EFCAB5: variants seen among roughly 807,000 people sequenced by gnomAD.
EFCAB5 encodes the protein EF-hand calcium-binding domain-containing protein 5.
A neutral mutation model predicts 167.9 loss-of-function variants in EFCAB5; 131 were observed. That is an observed-to-expected ratio of 0.78 (90% CI 0.68 to 0.90). EFCAB5 has a LOEUF of 0.90. EFCAB5 is among the 40% of genes least tolerant of loss of function. The probability of loss-of-function intolerance (pLI) is 0.00; values close to 1 mark genes in which losing one functional copy is unlikely to be tolerated. For missense variants in EFCAB5, 1,663 were observed against 1,745.2 expected (o/e 0.95, Z 0.84); for synonymous variants, 574 against 602.8 (o/e 0.95, Z 0.70).
intron 7 of EFCAB5, among the ~76,000 whole-genome samples, chr17:30,030,510 A>G (rs1037214060): frequency 9.2e-5 from 14 of 151,996 alleles, no homozygotes; most frequent in African/African-American, 3.4e-4. Context: ...TGCCTGGCTA[A>G]TTTTTTATTT....
intron 7 of EFCAB5, among the ~76,000 whole-genome samples, chr17:30,027,767 C>A (rs1342380970): frequency 6.6e-6 from 1 of 152,126 alleles, no homozygotes; most frequent in South Asian, 2.1e-4. Context: ...CTTGGCTATA[C>A]TTACATGCTG....
Position 30,090,572 on chromosome 17 carries a change from CAAGA to C in EFCAB5, c.3837_3840del (p.Gln1279HisfsTer8). On this transcript the variant is annotated frameshift_variant, in exon 20 of 23. Coordinates refer to ENST00000394835, the MANE Select transcript of EFCAB5 (RefSeq NM_198529.4). LOFTEE classifies it high-confidence loss of function. ...CGGCCAAAATAGGATGTTGTTGTGT[CAAGA>C]ATATAAAGATCTACAGAAAATGATG... 1.2e-6 allele frequency: 2 copies of C among 1,613,810 alleles called. No homozygotes were observed. Among genetic ancestry groups the C allele is most frequent in the Non-Finnish European group, 1.7e-6 (2 of 1,179,860 alleles).
chr17:30,090,810 CT>C, intron 20 of EFCAB5, 136 bp downstream of exon 20: 1 of 1,253,416 alleles, frequency 8.0e-7, no homozygotes, highest in Non-Finnish European at 1.1e-6. Context: ...AAGGAATTCC[CT>C]TATGCAGTCT....
chr17:30,055,142 A>C (rs528730597), intron 10 of EFCAB5, among the ~76,000 whole-genome samples: 3 of 152,194 alleles, frequency 2.0e-5, no homozygotes, highest in Non-Finnish European at 4.4e-5. Flanking sequence ...AAAAAAAAAA[A>C]TTAGCTGGCC....
intron 14 of EFCAB5, among the ~76,000 whole-genome samples, chr17:30,063,048 C>T (rs965612636): frequency 2.0e-5 from 3 of 152,170 alleles, no homozygotes; most frequent in Admixed American, 6.5e-5. Flanking sequence ...GACGTAGTAA[C>T]CTGTGTCCCA....
chr17:30,068,848 T>G (rs1019744236), intron 14 of EFCAB5: 1 of 1,417,312 alleles, frequency 7.1e-7, no homozygotes, highest in Non-Finnish European at 1.0e-6. Flanking sequence ...CAGGAAAGAT[T>G]ATATTAATGC....
At chr17:30,065,574 T>C (rs1007917240) in intron 14 of EFCAB5, 1 of 152,074 alleles carries the variant, frequency 6.6e-6, no homozygotes, top group African/African-American at 2.4e-5. Flanking sequence ...CGTGGGAGAA[T>C]TGCTTGAACC....
chr17:30,036,188 AAT>A (rs1199469649), intron 8 of EFCAB5, among the ~76,000 whole-genome samples: 2 of 141,104 alleles, frequency 1.4e-5, no homozygotes, highest in African/African-American at 2.6e-5. Flanking sequence ...TGTATGTATA[AAT>A]ATATCTTATA....
chr17:30,092,702 A>G (rs2071225724), intron 21 of EFCAB5, 138 bp from the exon 22 acceptor site: 2 of 538,298 alleles, frequency 3.7e-6, no homozygotes, highest in Non-Finnish European at 6.4e-6. Flanking sequence ...GGTAACCATC[A>G]TCTTCACTTC....
intron 14 of EFCAB5, among the ~76,000 whole-genome samples, chr17:30,067,457 AAAT>A (rs994083061): frequency 1.3e-5 from 2 of 152,020 alleles, no homozygotes; most frequent in East Asian, 3.9e-4. Flanking sequence ...TCTATTTAAA[AAAT>A]AATAATAATA....
rs778625814 is a variant in EFCAB5 at position 29,969,088 on chromosome 17, C to T, written c.488C>T (p.Thr163Ile). Residue 163 changes from threonine (T) to isoleucine (I), a missense_variant, in exon 4 of 23, where the codon ACT becomes ATT. Thr to Ile is a moderately conservative substitution (Grantham distance 89). Coordinates refer to ENST00000394835, the MANE Select transcript of EFCAB5 (RefSeq NM_198529.4). ...RDNLAKEWFN[T>I]DSMTLNNTAY... ...AATTTGGCCAAAGAGTGGTTTAATA[C>T]TGACAGCATGACACTGAATAATACT... 6.8e-5 allele frequency: 109 copies of T among 1,613,592 alleles called. 1 individual carries two copies. In the South Asian group the frequency reaches 1.1e-3, roughly 16 times the overall value.
In EFCAB5 at chr17:29,993,044, A is replaced by G. The variant is rs1360005249; in HGVS notation, c.768-121A>G. ...GAAGGGCTCACTACAGGCCTGAATCAAAGATTTTATGGAGAAAAGACAGGC... is the reference window on the plus strand; with the variant it reads ...GAAGGGCTCACTACAGGCCTGAATCGAAGATTTTATGGAGAAAAGACAGGC... On this transcript the variant is annotated intron_variant, in intron 4 of 22. Coordinates refer to ENST00000394835, the MANE Select transcript of EFCAB5 (RefSeq NM_198529.4). 7.4e-6 allele frequency: 8 copies of G among 1,085,686 alleles called. No individual in the cohort carries two copies. The African/African-American group carries it at 1.1e-4, about 15-fold the overall frequency. 67.3% of individuals were successfully genotyped at this position (1,085,686 alleles called of 1,614,324 possible).
rs1220274033 is a variant in EFCAB5 at position 30,057,701 on chromosome 17, T to G, written c.2391T>G (p.Ile797Met). 1.4e-5 allele frequency: 22 copies of G among 1,613,164 alleles called. No homozygotes were observed. The East Asian group carries it at 4.7e-4, about 34-fold the overall frequency. ...FTDLHSIIRNIQSCKEVKGRT... is the reference protein window; with the variant it reads ...FTDLHSIIRNMQSCKEVKGRT... ...ATTTACACTCAATTATCAGAAATAT[T>G]CAGTCTTGCAAGGAGGTAAAAGGCA... The change falls in exon 13 of 23, where the codon ATT (isoleucine) becomes ATG (methionine). Residue 797 changes from isoleucine to methionine, a missense_variant. By Grantham distance (10) the Ile-to-Met change is conservative. Transcript: ENST00000394835.
intron 5 of EFCAB5, 75 bp downstream of exon 5, chr17:29,993,396 G>A (rs1036298789): frequency 2.6e-5 from 37 of 1,438,844 alleles, no homozygotes; most frequent in Non-Finnish European, 3.2e-5. Flanking sequence ...ATACTGAGTA[G>A]CATACTAGAA....
intron 7 of EFCAB5, among the ~76,000 whole-genome samples, chr17:30,017,939 A>C (rs551743809): frequency 9.3e-4 from 142 of 152,236 alleles, no homozygotes; most frequent in Admixed American, 3.9e-4. Context: ...GTGTTTTGCT[A>C]TTCCCAAATT....
At chr17:30,067,345 C>T (rs964927997) in intron 14 of EFCAB5, among the ~76,000 whole-genome samples, 5 of 152,030 alleles carry the variant, frequency 3.3e-5, no homozygotes, top group Non-Finnish European at 5.9e-5. Flanking sequence ...CTGGGTGTGG[C>T]GGCCTTTACC....
At chr17:30,096,672 TATA>T (rs1240529000) in intron 22 of EFCAB5, among the ~76,000 whole-genome samples, 904 of 62,634 alleles carry the variant, frequency 0.014, 27 homozygotes, top group African/African-American at 0.058. Flanking sequence ...TATATATATA[TATA>T]TATTTTTTTT....
chr17:30,059,480 A>G (rs559648395), intron 13 of EFCAB5, 65 bp from the exon 14 acceptor site: 1 of 1,447,538 alleles, frequency 6.9e-7, no homozygotes, highest in Non-Finnish European at 9.2e-7. Flanking sequence ...TGGAATAAAC[A>G]CAGAATGCTA....
chr17:30,021,815 T>A (rs911498887), intron 7 of EFCAB5, among the ~76,000 whole-genome samples: 28 of 152,194 alleles, frequency 1.8e-4, no homozygotes, highest in Non-Finnish European at 1.6e-4. Flanking sequence ...AGCTATCTTA[T>A]CAGTACTCAT....
Sources: allele counts gnomAD v4.1 joint callset (sites outside exome capture counted in the v4.1 genomes callset), GRCh38; gene constraint gnomAD v4.1.1; transcripts MANE v1.5; gene names NCBI Gene and HGNC (gene_info 2026-07-23, HGNC 2026-07-21).